The following TTC28 variants were observed in gnomAD, a reference collection of about 807,000 sequenced individuals.
TTC28 encodes tetratricopeptide repeat domain 28.
Under a neutral mutation model 198.0 loss-of-function variants are expected in TTC28, and 61 were observed. The observed-to-expected ratio is 0.31, with a 90% CI of 0.25 to 0.38. TTC28 has a LOEUF of 0.38. TTC28 is among the 10% of genes least tolerant of loss of function. The probability of loss-of-function intolerance (pLI) is 1.00; values close to 1 mark genes in which losing one functional copy is unlikely to be tolerated. For missense variants in TTC28, 2,678 were observed against 3,164.0 expected (o/e 0.85, Z 3.69); for synonymous variants, 1,171 against 1,297.8 (o/e 0.90, Z 2.10).
chr22:28,160,677 C>A (rs1026401306), intron 6 of TTC28, among the ~76,000 whole-genome samples: 36 of 152,160 alleles, frequency 2.4e-4, no homozygotes, highest in African/African-American at 8.7e-4. Flanking sequence ...GTAAAAAGGT[C>A]TGGAAAGATT....
At chr22:28,336,240 C>T (rs969822600) in intron 2 of TTC28, among the ~76,000 whole-genome samples, 3 of 152,118 alleles carry the variant, frequency 2.0e-5, no homozygotes, top group Non-Finnish European at 2.9e-5. Context: ...ATTCGGTTTG[C>T]CAGTATTTTA....
chr22:28,021,204 C>T (rs1434854606), intron 13 of TTC28, among the ~76,000 whole-genome samples: 1 of 152,138 alleles, frequency 6.6e-6, no homozygotes, highest in African/African-American at 2.4e-5. Flanking sequence ...CCCACCTAGC[C>T]CTGAGATTCT....
chr22:28,274,361 T>C (rs968612716), intron 5 of TTC28, among the ~76,000 whole-genome samples: 2 of 152,254 alleles, frequency 1.3e-5, no homozygotes, highest in African/African-American at 2.4e-5. Flanking sequence ...AAATTCATTT[T>C]ACAAATGATT....
At chr22:28,082,227 A>C (rs1941393377) in intron 12 of TTC28, among the ~76,000 whole-genome samples, 2 of 152,242 alleles carry the variant, frequency 1.3e-5, no homozygotes, top group South Asian at 4.2e-4. Context: ...TTCCCTTTTC[A>C]ATTTGGATAT....
intron 2 of TTC28, among the ~76,000 whole-genome samples, chr22:28,625,733 A>G (rs185311553): frequency 3.3e-4 from 50 of 152,310 alleles, no homozygotes; most frequent in African/African-American, 1.2e-3. Context: ...AATAGCCAAA[A>G]CAACTTAGAA....
chr22:28,017,546 G>C (rs1255774625), intron 13 of TTC28, among the ~76,000 whole-genome samples: 1 of 152,116 alleles, frequency 6.6e-6, no homozygotes, highest in African/African-American at 2.4e-5. Context: ...TCCAACAGAG[G>C]AACAACATAG....
At chr22:28,071,161 C>T (rs965550002) in intron 12 of TTC28, among the ~76,000 whole-genome samples, 4 of 152,092 alleles carry the variant, frequency 2.6e-5, no homozygotes, top group Non-Finnish European at 4.4e-5. Context: ...GATGTGTTAT[C>T]TCCTGACATC....
At chr22:28,051,516 T>C (rs972218770) in intron 12 of TTC28, among the ~76,000 whole-genome samples, 1 of 152,178 alleles carries the variant, frequency 6.6e-6, no homozygotes, top group African/African-American at 2.4e-5. Flanking sequence ...CTCTCTCTAA[T>C]TGGATTTCTA....
intron 6 of TTC28, among the ~76,000 whole-genome samples, chr22:28,148,612 CAA>C (rs35433132): frequency 3.9e-4 from 29 of 74,928 alleles, no homozygotes; most frequent in Admixed American, 1.9e-3. Context: ...GACTCTGTCT[CAA>C]AAAAAAAAAA....
At chr22:28,014,787 A>C (rs1938295702) in intron 13 of TTC28, among the ~76,000 whole-genome samples, 1 of 152,194 alleles carries the variant, frequency 6.6e-6, no homozygotes, top group African/African-American at 2.4e-5. Flanking sequence ...CAATTAAGGT[A>C]CCAAGGGGGC....
intron 7 of TTC28, 142 bp downstream of exon 7, chr22:28,106,916 TCAAA>T (rs1942324329): frequency 8.9e-7 from 1 of 1,117,366 alleles, no homozygotes; most frequent in African/African-American, 1.6e-5. Flanking sequence ...ACTACTTGAT[TCAAA>T]CAGTTGTTGG....
intron 5 of TTC28, among the ~76,000 whole-genome samples, chr22:28,231,604 G>A (rs770852783): frequency 1.2e-4 from 19 of 152,332 alleles, no homozygotes; most frequent in Non-Finnish European, 2.2e-4. Context: ...TCCTATGTGG[G>A]TTGTGGAATG....
At chr22:28,032,265 A>AGTGTGTG (rs1482000294) in intron 12 of TTC28, among the ~76,000 whole-genome samples, 1 of 91,690 alleles carries the variant, frequency 1.1e-5, no homozygotes, top group African/African-American at 5.2e-5. Flanking sequence ...ATATATATAT[A>AGTGTGTG]TAGTGTGTGT....
chr22:28,266,312 T>C (rs1298553670), intron 5 of TTC28, among the ~76,000 whole-genome samples: 2 of 152,172 alleles, frequency 1.3e-5, no homozygotes, highest in Non-Finnish European at 1.5e-5. Flanking sequence ...AGTTTATTAC[T>C]TTCTCAAAAG....
intron 6 of TTC28, among the ~76,000 whole-genome samples, chr22:28,129,525 T>C (rs889263351): frequency 1.3e-5 from 2 of 152,214 alleles, no homozygotes; most frequent in African/African-American, 4.8e-5. Context: ...TGTGTGATCT[T>C]AAGCAAGTTA....
intron 2 of TTC28, among the ~76,000 whole-genome samples, chr22:28,620,948 C>A (rs1247618538): frequency 6.6e-6 from 1 of 152,168 alleles, no homozygotes; most frequent in Non-Finnish European, 1.5e-5. Flanking sequence ...TGATTTGGCT[C>A]CTTCTGGCTG....
rs138783936 is a variant in TTC28, at chr22:28,381,988, G to A, written c.382-75345C>T. 3.4e-4 allele frequency among the ~76,000 whole-genome samples: 52 copies of A among 152,118 alleles called. No homozygotes were observed. The East Asian group carries it at 8.3e-3, about 24-fold the overall frequency. ...CAATTCCTCGGCAAATAGGCTAAAG[G>A]GTAAAATGGACAACAGTAGATAGCT... is the stretch of plus-strand genomic sequence containing the variant. On this transcript the variant is annotated intron_variant, in intron 2 of 22. Coordinates refer to ENST00000397906, the MANE Select transcript of TTC28 (RefSeq NM_001145418.2).
intron 1 of TTC28, among the ~76,000 whole-genome samples, chr22:28,637,138 A>G (rs2051287860): frequency 6.6e-6 from 1 of 150,862 alleles, no homozygotes; most frequent in African/African-American, 2.4e-5. Context: ...CCTCCCAAGT[A>G]GCTGGGACCA....
chr22:28,080,465 T>C (rs1172419681), intron 12 of TTC28, among the ~76,000 whole-genome samples: 1 of 152,234 alleles, frequency 6.6e-6, no homozygotes, highest in Non-Finnish European at 1.5e-5. Context: ...CATATGCTTG[T>C]TGCTCATTTG....
Sources: gnomAD v4.1 joint callset for allele counts (sites outside exome capture counted in the v4.1 genomes callset) on GRCh38, gnomAD v4.1.1 for gene constraint, MANE v1.5 for transcripts, NCBI Gene and HGNC (gene_info 2026-07-23, HGNC 2026-07-21) for gene names.